Variants in KLHL25 observed in about 807,000 individuals in gnomAD.
KLHL25 encodes the protein kelch like family member 25.
KLHL25 carries 41 observed loss-of-function variants against 30.0 expected under a neutral mutation model. The ratio of observed to expected loss-of-function variants is 1.37; its 90% confidence interval spans 1.07 to 1.78. KLHL25 has a LOEUF of 1.78. KLHL25 is among the 40% of genes most tolerant of loss of function. The probability of loss-of-function intolerance (pLI) is 0.00; values close to 1 mark genes in which losing one functional copy is unlikely to be tolerated. For synonymous variants in KLHL25, 399 were observed against 355.3 expected, an observed-to-expected ratio of 1.12 and a Z score of -1.38; for missense variants, 971 against 824.5, an observed-to-expected ratio of 1.18 and a Z score of -2.18.
Position 85,769,630 on chromosome 15 carries a change from G to C in KLHL25, c.181C>G (p.Arg61Gly). The C allele has an allele frequency of 1.9e-6, 3 of 1,613,348 alleles. No individual in the cohort carries two copies. Among genetic ancestry groups the C allele is most frequent in the South Asian group, 1.1e-5 (1 of 91,086 alleles). The change falls in exon 2 of 3, where the codon CGT (arginine) becomes GGT (glycine). Residue 61 changes from arginine to glycine, a missense_variant. Arg to Gly is a moderately radical substitution (Grantham distance 125). Transcript: ENST00000337975. ...CGGCTAGAGGCGGCCAGCACGGCAC[G>C]GTGACAGGGGAAGGCACGGTCGCCC... Reference protein sequence around the residue: ...WAGDRAFPCHRAVLAASSRYF... With the variant: ...WAGDRAFPCHGAVLAASSRYF...
intron 1 of KLHL25, chr15:85,770,675 G>A: frequency 2.4e-6 from 1 of 421,230 alleles, no homozygotes; most frequent in Non-Finnish European, 5.0e-6. Context: ...CCTAACGGAA[G>A]TGATCCAGAT....
chr15:85,788,528 A>T (rs1597282241), intron 1 of KLHL25, among the ~76,000 whole-genome samples: 1 of 152,134 alleles, frequency 6.6e-6, no homozygotes, highest in South Asian at 2.1e-4. Context: ...GGGGAAAAAA[A>T]TTCCCTGGAC....
In KLHL25 at chr15:85,794,782, C is replaced by T. The variant is rs111578069; in HGVS notation, c.-27G>A. 0.099 allele frequency: 15,114 copies of T among 152,846 alleles called. 818 individuals carry two copies. The highest frequency in any genetic ancestry group is 0.12 in the African/African-American group (5,046 of 41,516). 9.5% of individuals were successfully genotyped at this position (152,846 alleles called of 1,614,324 possible). On this transcript the variant is annotated 5_prime_UTR_variant, in exon 1 of 3. Transcript: ENST00000337975. ...GATACTCACTGCCGGAGACGATCCCCGCCGCCGCCGCCGCCTCAGAGACCA... is the reference window on the plus strand; with the variant it reads ...GATACTCACTGCCGGAGACGATCCCTGCCGCCGCCGCCGCCTCAGAGACCA...
At chr15:85,780,262 A>G (rs1428734098) in intron 1 of KLHL25, among the ~76,000 whole-genome samples, 1 of 152,240 alleles carries the variant, frequency 6.6e-6, no homozygotes, top group Admixed American at 6.5e-5. Context: ...CAGAGGGGAC[A>G]AAGAACTCAG....
At chr15:85,765,837 A>G (rs931990994) in intron 2 of KLHL25, among the ~76,000 whole-genome samples, 2 of 151,550 alleles carry the variant, frequency 1.3e-5, no homozygotes, top group African/African-American at 2.4e-5. Context: ...TCAAAAAAAA[A>G]AAAAAGAAAA....
In KLHL25 at chr15:85,791,751, C is replaced by T. The variant is rs564117475; in HGVS notation, c.-11+3015G>A. 2.2e-4 allele frequency among the ~76,000 whole-genome samples: 33 copies of T among 152,294 alleles called. No homozygotes were observed. In the East Asian group the frequency reaches 5.0e-3, roughly 23 times the overall value. ...AAAGGGGAGCCCGGCATGACTGACACCCACTTGGTGCCAGACCCCATTCTA... is the reference window on the plus strand; with the variant it reads ...AAAGGGGAGCCCGGCATGACTGACATCCACTTGGTGCCAGACCCCATTCTA... On this transcript the variant is annotated intron_variant, in intron 1 of 2. Transcript: ENST00000337975.
chr15:85,785,429 T>C lies in KLHL25; in HGVS notation c.-11+9337A>G, dbSNP rs147937467. 6.2e-3 allele frequency among the ~76,000 whole-genome samples: 937 copies of C among 152,128 alleles called. 5 individuals carry two copies. Among genetic ancestry groups the C allele is most frequent in the African/African-American group, 0.021 (868 of 41,474 alleles). On this transcript the variant is annotated intron_variant, in intron 1 of 2. Coordinates refer to ENST00000337975, the MANE Select transcript of KLHL25 (RefSeq NM_022480.4). The stretch of plus-strand genomic sequence containing the variant: ...TCCTATATCCTGGTCCTTAGCAGAG[T>C]GGGTAGTATAGAGCAGGTTCTCAAT...
intron 1 of KLHL25, among the ~76,000 whole-genome samples, chr15:85,787,229 C>G (rs1478717738): frequency 6.6e-6 from 1 of 151,962 alleles, no homozygotes; most frequent in Non-Finnish European, 1.5e-5. Context: ...GGTGGATCAC[C>G]TGAGGTCAGG....
Position 85,768,691 on chromosome 15 carries a change from T to A in KLHL25, c.1120A>T (p.Met374Leu). 1 of 1,613,416 alleles carries A rather than the reference T, an allele frequency of 6.2e-7. No individual in the cohort carries two copies. Among genetic ancestry groups the A allele is most frequent in the Non-Finnish European group, 8.5e-7 (1 of 1,179,758 alleles). Reference sequence around the variant, plus strand: ...CCATGGCCAAAGCGGGCAATCAGCATGGGCGCCGCCTTGGACCATTCCTCA... The same window carrying A: ...CCATGGCCAAAGCGGGCAATCAGCAAGGGCGCCGCCTTGGACCATTCCTCA... ...VHEEWSKAAP[M>L]LIARFGHGSA... Residue 374 changes from methionine to leucine, a missense_variant, in exon 2 of 3, where the codon ATG becomes TTG. By Grantham distance (15) the Met-to-Leu change is conservative. Transcript: ENST00000337975.
chr15:85,779,039 C>T (rs955671261), intron 1 of KLHL25, among the ~76,000 whole-genome samples: 3 of 150,250 alleles, frequency 2.0e-5, no homozygotes, highest in Admixed American at 6.8e-5. Context: ...CAGCTCCTCA[C>T]CAACAATTTT....
chr15:85,778,160 G>C (rs2089721723), intron 1 of KLHL25, among the ~76,000 whole-genome samples: 1 of 152,220 alleles, frequency 6.6e-6, no homozygotes, highest in African/African-American at 2.4e-5. Flanking sequence ...AGATGACAGA[G>C]CTGCCACCAT....
intron 2 of KLHL25, among the ~76,000 whole-genome samples, chr15:85,764,952 C>G (rs2089609485): frequency 6.6e-6 from 1 of 152,250 alleles, no homozygotes; most frequent in South Asian, 2.1e-4. Flanking sequence ...TGCATGCTCT[C>G]CTTCCAGGGT....
intron 1 of KLHL25, among the ~76,000 whole-genome samples, chr15:85,777,797 AGGTAAGG>A (rs1162254122): frequency 1.3e-5 from 2 of 152,200 alleles, no homozygotes; most frequent in Non-Finnish European, 2.9e-5. Flanking sequence ...ACAGAACAGG[AGGTAAGG>A]GGTCAAGGCC....
chr15:85,779,783 G>C (rs1025399369), intron 1 of KLHL25, among the ~76,000 whole-genome samples: 2 of 152,168 alleles, frequency 1.3e-5, no homozygotes, highest in African/African-American at 4.8e-5. Context: ...CCTTAGTCTA[G>C]TGTCTTTGTG....
intron 2 of KLHL25, among the ~76,000 whole-genome samples, chr15:85,765,446 T>A (rs919314568): frequency 1.3e-5 from 2 of 151,632 alleles, no homozygotes; most frequent in Non-Finnish European, 1.5e-5. Flanking sequence ...GCCAACACGG[T>A]GAAACCCCAT....
rs148499730 is a variant in KLHL25, at chr15:85,769,730, G to A, written c.81C>T (p.Ser27=). The change falls in exon 2 of 3, where the codon TCC becomes TCT. Residue 27 remains serine, a synonymous_variant. Transcript: ENST00000337975. ...SMNVTLFHKA[S]HPDCVLAHLN... ...GGTGGGCCAGCACACAGTCCGGGTG[G>A]GAGGCCTTGTGGAAGAGGGTGACGT... 1 of 1,613,864 alleles carries A rather than the reference G, an allele frequency of 6.2e-7. No homozygotes were observed. Among genetic ancestry groups the A allele is most frequent in the Non-Finnish European group, 8.5e-7 (1 of 1,180,034 alleles).
Position 85,782,907 on chromosome 15 carries a change from T to C in KLHL25, c.-11+11859A>G, listed in dbSNP as rs527248943. Among the ~76,000 whole-genome samples, 3 of 152,258 alleles carry C rather than the reference T, an allele frequency of 2.0e-5. No homozygotes were observed. The East Asian group carries it at 5.8e-4, about 29-fold the overall frequency. ...AGCTCAAGGACATTGTTCTGTGTCA[T>C]CTTTGCTACCTAGAATCGATTAGAT... On this transcript the variant is annotated intron_variant, in intron 1 of 2. Coordinates refer to ENST00000337975, the MANE Select transcript of KLHL25 (RefSeq NM_022480.4).
intron 1 of KLHL25, among the ~76,000 whole-genome samples, chr15:85,788,502 C>T (rs914578992): frequency 1.3e-5 from 2 of 152,130 alleles, no homozygotes; most frequent in Non-Finnish European, 2.9e-5. Flanking sequence ...TCCCAGAGCC[C>T]GGCAGAGAAC....
At position 85,769,463 on chromosome 15, in the gene KLHL25, G is replaced by C. The variant is rs144919185; in HGVS notation, c.348C>G (p.Asn116Lys). 9.9e-6 allele frequency: 16 copies of C among 1,614,012 alleles called. No individual in the cohort carries two copies. The highest frequency in any genetic ancestry group is 1.4e-5 in the Non-Finnish European group (16 of 1,180,018). The part of the protein sequence containing the change: ...YSSRIAINEE[N>K]AESLLEAGDM... Reference sequence around the variant, plus strand: ...CGCCTGCCTCCAGCAGTGACTCAGCGTTCTCCTCGTTGATGGCGATGCGTG... The same window carrying C: ...CGCCTGCCTCCAGCAGTGACTCAGCCTTCTCCTCGTTGATGGCGATGCGTG... The change falls in exon 2 of 3, where the codon AAC becomes AAG. Residue 116 changes from asparagine to lysine, a missense_variant. Coordinates refer to ENST00000337975, the MANE Select transcript of KLHL25 (RefSeq NM_022480.4).
Sources: gnomAD v4.1 joint callset for allele counts (sites outside exome capture counted in the v4.1 genomes callset) on GRCh38, gnomAD v4.1.1 for gene constraint, MANE v1.5 for transcripts, NCBI Gene and HGNC (gene_info 2026-07-23, HGNC 2026-07-21) for gene names.